RTN1: variants seen among roughly 807,000 people sequenced by gnomAD.
The protein encoded by RTN1 is reticulon 1.
In RTN1, 25 loss-of-function variants were observed where a neutral mutation model predicts 65.5. The ratio of observed to expected loss-of-function variants is 0.38; its 90% CI spans 0.28 to 0.53. The LOEUF (loss-of-function observed/expected upper bound fraction) is 0.53. Ranked by LOEUF, RTN1 falls within the 20% of genes least tolerant of loss-of-function variation. The probability of loss-of-function intolerance (pLI) is 0.79; values close to 1 mark genes in which losing one functional copy is unlikely to be tolerated. For missense variants in RTN1, 983 were observed against 1,025.4 expected (o/e 0.96, Z 0.57); for synonymous variants, 471 against 447.6 (o/e 1.05, Z -0.66).
chr14:59,747,532 C>A (rs1307421976), intron 1 of RTN1, among the ~76,000 whole-genome samples: 1 of 152,136 alleles, frequency 6.6e-6, no homozygotes, highest in Admixed American at 6.5e-5. Flanking sequence ...TTGCTTGAAC[C>A]CAGGAGGAGG....
intron 3 of RTN1, among the ~76,000 whole-genome samples, chr14:59,708,890 C>T (rs1050766989): frequency 1.3e-5 from 2 of 152,192 alleles, no homozygotes; most frequent in African/African-American, 4.8e-5. Flanking sequence ...TCCATCTGAT[C>T]ATCGCATACT....
At chr14:59,737,942 G>A (rs1885034062) in intron 2 of RTN1, among the ~76,000 whole-genome samples, 1 of 152,144 alleles carries the variant, frequency 6.6e-6, no homozygotes, top group African/African-American at 2.4e-5. Context: ...ATGGTGCTGG[G>A]ATAACTGGCT....
chr14:59,715,982 TA>T (rs1178661291), intron 3 of RTN1, among the ~76,000 whole-genome samples: 1 of 152,234 alleles, frequency 6.6e-6, no homozygotes, highest in African/African-American at 2.4e-5. Flanking sequence ...TGATTCTATG[TA>T]AAAAAGATTC....
At chr14:59,819,410 CACCACCCCCCCCCCACCCCCCA>C (rs1566737446) in intron 1 of RTN1, among the ~76,000 whole-genome samples, 15 of 16,294 alleles carry the variant, frequency 9.2e-4, no homozygotes, top group South Asian at 2.6e-3. Context: ...TCCACACCAC[CACCACCCCCCCCCCACCCCCCA>C]CCCCCCCCCC....
chr14:59,602,535 A>AGAG (rs1566656657), intron 8 of RTN1, among the ~76,000 whole-genome samples: 1 of 152,124 alleles, frequency 6.6e-6, no homozygotes, highest in Non-Finnish European at 1.5e-5. Flanking sequence ...TTTAAAAAGC[A>AGAG]GTGGTATTAA....
rs1227446880 is a variant in RTN1 at position 59,727,229 on chromosome 14, C to T, written c.1455G>A (p.Gln485=). 1.9e-6 allele frequency: 3 copies of T among 1,558,156 alleles called. No homozygotes were observed. The highest frequency in any genetic ancestry group is 2.6e-6 in the Non-Finnish European group (3 of 1,152,234). Residue 485 remains glutamine, a synonymous_variant, in exon 3 of 9, where the codon CAG becomes CAA. Coordinates refer to ENST00000267484, the MANE Select transcript of RTN1 (RefSeq NM_021136.3). The surrounding 1 kb of genome is among the most constrained non-coding windows in gnomAD (Gnocchi z 4.2). ...SASEESPKRE[Q]DSPPMKPSAL... ...CGCTGGGCTTCATCGGGGGTGAGTC[C>T]TGCTCCCGCTTGGGGCTCTCCTCCG...
intron 1 of RTN1, among the ~76,000 whole-genome samples, chr14:59,798,285 T>C (rs1213609767): frequency 6.6e-6 from 1 of 152,206 alleles, no homozygotes; most frequent in African/African-American, 2.4e-5. Flanking sequence ...CACTGACTAA[T>C]TGCATGAATT....
intron 1 of RTN1, among the ~76,000 whole-genome samples, chr14:59,757,049 A>C (rs557690784): frequency 6.6e-6 from 1 of 152,276 alleles, no homozygotes; most frequent in South Asian, 2.1e-4. Flanking sequence ...AGTTCACAGC[A>C]AAATTGCAAG....
intron 3 of RTN1, among the ~76,000 whole-genome samples, chr14:59,654,432 G>GGGAA (rs370396777): frequency 9.2e-6 from 1 of 108,828 alleles, no homozygotes; most frequent in Non-Finnish European, 2.1e-5. Flanking sequence ...CTGTCTCTGT[G>GGGAA]AAAAAAAAAA....
chr14:59,620,446 T>C (rs1882225284), intron 3 of RTN1, among the ~76,000 whole-genome samples: 1 of 152,142 alleles, frequency 6.6e-6, no homozygotes, highest in African/African-American at 2.4e-5. Context: ...TCCTGTAGTG[T>C]CAACTACATA....
chr14:59,740,592 A>G (rs974464912), intron 2 of RTN1, among the ~76,000 whole-genome samples: 1 of 152,226 alleles, frequency 6.6e-6, no homozygotes, highest in Non-Finnish European at 1.5e-5. Flanking sequence ...GGATGATTCC[A>G]GACAGCTGCA....
intron 3 of RTN1, among the ~76,000 whole-genome samples, chr14:59,692,863 T>C (rs1205013809): frequency 6.6e-6 from 1 of 152,184 alleles, no homozygotes; most frequent in Non-Finnish European, 1.5e-5. Flanking sequence ...GGACTCCCTA[T>C]TCATTAAGAG....
chr14:59,777,024 G>A lies in RTN1; in HGVS notation c.242-30543C>T, dbSNP rs78615053. ...CACTGAAAGGCTACAACAGGCAAGCGTTCATTACGGAGTGACATGTCCCTC... is the reference window on the plus strand; with the variant it reads ...CACTGAAAGGCTACAACAGGCAAGCATTCATTACGGAGTGACATGTCCCTC... On this transcript the variant is annotated intron_variant, in intron 1 of 8. Transcript: ENST00000267484. Among the ~76,000 whole-genome samples the A allele has an allele frequency of 1.2e-3, 180 of 152,250 alleles. 1 individual carries two copies. The highest frequency in any genetic ancestry group is 4.3e-3 in the African/African-American group (178 of 41,538).
chr14:59,613,383 C>G (rs917887593), intron 3 of RTN1, among the ~76,000 whole-genome samples: 6 of 152,202 alleles, frequency 3.9e-5, no homozygotes, highest in Admixed American at 3.3e-4. Context: ...ATTGCAACCT[C>G]TGTCCCCTGG....
intron 1 of RTN1, among the ~76,000 whole-genome samples, chr14:59,761,606 A>T (rs1199059447): frequency 6.6e-6 from 1 of 152,226 alleles, no homozygotes; most frequent in African/African-American, 2.4e-5. Flanking sequence ...CAGACTGAAG[A>T]AGACCCTAGA....
intron 1 of RTN1, among the ~76,000 whole-genome samples, chr14:59,824,259 G>T (rs1413921548): frequency 6.6e-6 from 1 of 152,154 alleles, no homozygotes; most frequent in African/African-American, 2.4e-5. Context: ...TAAACTTGAT[G>T]AAATGATTGA....
intron 3 of RTN1, among the ~76,000 whole-genome samples, chr14:59,666,898 T>C (rs977917185): frequency 2.1e-5 from 3 of 143,366 alleles, no homozygotes; most frequent in Admixed American, 7.5e-5. Context: ...CAGGAAGAAC[T>C]TGAATCTCTG....
At chr14:59,797,436 C>T (rs1206405907) in intron 1 of RTN1, among the ~76,000 whole-genome samples, 1 of 152,160 alleles carries the variant, frequency 6.6e-6, no homozygotes, top group Non-Finnish European at 1.5e-5. Context: ...ACTGCAATAT[C>T]TAGCAGTCTT....
At chr14:59,597,116 C>T (rs1881425379) in intron 8 of RTN1, among the ~76,000 whole-genome samples, 1 of 152,170 alleles carries the variant, frequency 6.6e-6, no homozygotes, top group Non-Finnish European at 1.5e-5. Context: ...ATCTGGGACA[C>T]TTCAGAAAGA....
Sources: gnomAD v4.1 joint callset for allele counts (sites outside exome capture counted in the v4.1 genomes callset) on GRCh38, gnomAD v4.1.1 for gene constraint, Gnocchi (gnomAD v3.1) non-coding constraint, MANE v1.5 for transcripts, NCBI Gene and HGNC (gene_info 2026-07-23, HGNC 2026-07-21) for gene names.